The following AIG1 variants were observed in gnomAD, a reference collection of about 807,000 sequenced individuals.
AIG1 encodes the protein androgen-induced gene 1 protein.
Under a neutral mutation model 31.4 loss-of-function variants are expected in AIG1, and 23 were observed. The ratio of observed to expected loss-of-function variants is 0.73; its 90% confidence interval spans 0.53 to 1.04. AIG1 has a LOEUF of 1.04. Ranked by LOEUF, AIG1 falls within the 50% of genes least tolerant of loss-of-function variation. The probability of loss-of-function intolerance (pLI) is 0.00; values close to 1 mark genes in which losing one functional copy is unlikely to be tolerated. For missense variants in AIG1, 274 were observed against 295.0 expected (o/e 0.93, Z 0.52); for synonymous variants, 100 against 110.5 (o/e 0.90, Z 0.60).
intron 3 of AIG1, among the ~76,000 whole-genome samples, chr6:143,173,495 T>C (rs1385016365): frequency 6.6e-6 from 1 of 152,238 alleles, no homozygotes; most frequent in Non-Finnish European, 1.5e-5. Flanking sequence ...ATTTGCACTC[T>C]TTCAGACTTT....
chr6:143,180,325 T>G lies in AIG1; in HGVS notation c.399+15142T>G, dbSNP rs554777933. 1.5e-4 allele frequency among the ~76,000 whole-genome samples: 23 copies of G among 152,260 alleles called. No homozygotes were observed. In the South Asian group the frequency reaches 4.8e-3, roughly 32 times the overall value. ...AGTTTTAAAGGTTGGAAATGGCATA[T>G]TTGAGATAGAAGAAGGCAAGTAGGA... On this transcript the variant is annotated intron_variant, in intron 3 of 5. Transcript: ENST00000357847.
At chr6:143,130,399 T>A (rs1158022532) in intron 1 of AIG1, among the ~76,000 whole-genome samples, 1 of 152,006 alleles carries the variant, frequency 6.6e-6, no homozygotes, top group Non-Finnish European at 1.5e-5. Flanking sequence ...ATGCTTAGCT[T>A]GCTCTGGAAA....
intron 5 of AIG1, among the ~76,000 whole-genome samples, chr6:143,336,849 A>T (rs1777529131): frequency 6.6e-6 from 1 of 152,204 alleles, no homozygotes; most frequent in Admixed American, 6.5e-5. Context: ...ACAAAAAGTT[A>T]TCTGCTTCCA....
At chr6:143,261,668 C>T (rs561328652) in intron 3 of AIG1, among the ~76,000 whole-genome samples, 38 of 152,308 alleles carry the variant, frequency 2.5e-4, no homozygotes, top group African/African-American at 8.4e-4. Context: ...GCTTTTCAAA[C>T]ACACCTGGAG....
chr6:143,127,553 T>C (rs1402184551), intron 1 of AIG1, among the ~76,000 whole-genome samples: 1 of 152,228 alleles, frequency 6.6e-6, no homozygotes. Context: ...AAATAATGAT[T>C]CCATTTTTAT....
chr6:143,232,894 A>G (rs924347217), intron 3 of AIG1, among the ~76,000 whole-genome samples: 2 of 152,194 alleles, frequency 1.3e-5, no homozygotes, highest in African/African-American at 4.8e-5. Flanking sequence ...GTGCAAATGG[A>G]CATAGACACT....
At chr6:143,266,262 G>A (rs967055362) in intron 3 of AIG1, among the ~76,000 whole-genome samples, 3 of 146,648 alleles carry the variant, frequency 2.0e-5, no homozygotes, top group South Asian at 2.1e-4. Flanking sequence ...TAAGAGAATC[G>A]CTTGAACCCA....
chr6:143,187,807 G>A (rs1305993475), intron 3 of AIG1: 4 of 1,497,262 alleles, frequency 2.7e-6, no homozygotes, highest in Non-Finnish European at 2.7e-6. Context: ...GTTTTGCCAA[G>A]TTGATGAAAT....
At chr6:143,237,474 T>C (rs1358568040) in intron 3 of AIG1, among the ~76,000 whole-genome samples, 1 of 152,218 alleles carries the variant, frequency 6.6e-6, no homozygotes, top group Non-Finnish European at 1.5e-5. Context: ...TCAAGAAAGA[T>C]ACCATCTCTC....
intron 1 of AIG1, among the ~76,000 whole-genome samples, chr6:143,071,686 T>C (rs868542409): frequency 6.1e-5 from 9 of 148,672 alleles, no homozygotes; most frequent in African/African-American, 2.0e-4. Context: ...TGGTTCTTTT[T>C]TTGTTGTTGT....
chr6:143,075,222 T>C (rs1777624860), intron 1 of AIG1, among the ~76,000 whole-genome samples: 1 of 152,250 alleles, frequency 6.6e-6, no homozygotes, highest in South Asian at 2.1e-4. Flanking sequence ...AAACAAATTT[T>C]TATTGATTTG....
chr6:143,329,680 TTTTG>T lies in AIG1; in HGVS notation c.516-3586_516-3583del, dbSNP rs142387624. 0.21 allele frequency among the ~76,000 whole-genome samples: 32,047 copies of T among 151,950 alleles called. 3,888 individuals carry two copies. Among genetic ancestry groups the T allele is most frequent in the Admixed American group, 0.37 (5,591 of 15,238 alleles). The stretch of plus-strand genomic sequence containing the variant: ...GCCAAATCCAGCCCACCACCTGGAT[TTTTG>T]TTTGTTTGTTTGTTTTATGACTCAA... On this transcript the variant is annotated intron_variant, in intron 4 of 5. Transcript: ENST00000357847. This position sits in a 1 kb window ranked among gnomAD's most constrained non-coding sequence, Gnocchi z 4.9.
chr6:143,194,230 G>A (rs530762510), intron 3 of AIG1, among the ~76,000 whole-genome samples: 18 of 152,290 alleles, frequency 1.2e-4, no homozygotes, highest in African/African-American at 2.9e-4. Context: ...GGAAGCAGGC[G>A]TGTCTTACAT....
chr6:143,097,813 C>G (rs1308855821), intron 1 of AIG1, among the ~76,000 whole-genome samples: 1 of 152,136 alleles, frequency 6.6e-6, no homozygotes, highest in African/African-American at 2.4e-5. Context: ...TACATTCTCC[C>G]ATCATCAAAT....
At chr6:143,061,200 C>A (rs771258372) in intron 1 of AIG1, 134 bp downstream of exon 1, 3 of 1,096,388 alleles carry the variant, frequency 2.7e-6, no homozygotes, top group South Asian at 2.6e-5. Flanking sequence ...CCCGTGTCCT[C>A]GCCTCTTCCC....
intron 3 of AIG1, among the ~76,000 whole-genome samples, chr6:143,239,484 G>C (rs765131305): frequency 1.3e-5 from 2 of 152,186 alleles, no homozygotes; most frequent in Non-Finnish European, 2.9e-5. Context: ...GCTGCTTGTT[G>C]ATGAGCTGAG....
intron 3 of AIG1, among the ~76,000 whole-genome samples, chr6:143,263,275 G>GTT (rs34950112): frequency 0.018 from 2,629 of 146,502 alleles, 52 homozygotes; most frequent in African/African-American, 0.056. Context: ...TCCTTTATTT[G>GTT]TTTTTTTTTT....
chr6:143,117,103 G>C (rs1467341977), intron 1 of AIG1, among the ~76,000 whole-genome samples: 1 of 152,096 alleles, frequency 6.6e-6, no homozygotes, highest in African/African-American at 2.4e-5. Context: ...AACATACAGG[G>C]CCTCATTACA....
chr6:143,218,284 T>C (rs1427971904), intron 3 of AIG1, among the ~76,000 whole-genome samples: 1 of 152,190 alleles, frequency 6.6e-6, no homozygotes, highest in Non-Finnish European at 1.5e-5. Flanking sequence ...ATTTCCAACG[T>C]TGTGAAAATG....
Sources: allele counts gnomAD v4.1 joint callset (sites outside exome capture counted in the v4.1 genomes callset), GRCh38; gene constraint gnomAD v4.1.1; non-coding constraint Gnocchi (gnomAD v3.1); transcripts MANE v1.5; gene names NCBI Gene and HGNC (gene_info 2026-07-23, HGNC 2026-07-21).